PDIA5: variants seen among roughly 807,000 people sequenced by gnomAD.
The protein encoded by PDIA5 is protein disulfide-isomerase A5.
PDIA5 carries 58 observed loss-of-function variants against 77.6 expected under a neutral mutation model. The observed-to-expected ratio is 0.75, with a 90% confidence interval of 0.61 to 0.93. PDIA5 has a LOEUF of 0.93. Ranked by LOEUF, PDIA5 falls within the 40% of genes least tolerant of loss-of-function variation. The pLI, the probability that PDIA5 is intolerant of heterozygous loss-of-function variation, is 0.00. For synonymous variants in PDIA5, 250 were observed against 252.1 expected, an observed-to-expected ratio of 0.99 and a Z score of 0.08; for missense variants, 630 against 647.7, an observed-to-expected ratio of 0.97 and a Z score of 0.30.
At chr3:123,138,203 C>T (rs1447989400) in intron 11 of PDIA5, among the ~76,000 whole-genome samples, 1 of 152,214 alleles carries the variant, frequency 6.6e-6, no homozygotes, top group Non-Finnish European at 1.5e-5. Flanking sequence ...GCCTTGACCT[C>T]CCAAAGTTCT....
At chr3:123,077,201 C>A (rs891065990) in intron 1 of PDIA5, among the ~76,000 whole-genome samples, 1 of 152,126 alleles carries the variant, frequency 6.6e-6, no homozygotes, top group Non-Finnish European at 1.5e-5. Context: ...TGCTGTGTGA[C>A]CTTCAGCAAA....
intron 11 of PDIA5, among the ~76,000 whole-genome samples, chr3:123,133,205 C>T (rs1935412833): frequency 6.6e-6 from 1 of 152,142 alleles, no homozygotes; most frequent in Non-Finnish European, 1.5e-5. Flanking sequence ...GATCAAGAAA[C>T]CACTTTTGCA....
chr3:123,152,127 GCCTT>G (rs1560562959), intron 14 of PDIA5, among the ~76,000 whole-genome samples: 1 of 107,086 alleles, frequency 9.3e-6, no homozygotes, highest in Non-Finnish European at 1.9e-5. Flanking sequence ...CTTCCTTCCT[GCCTT>G]CCTTCCTGCC....
intron 1 of PDIA5, among the ~76,000 whole-genome samples, chr3:123,073,636 G>A (rs1295564757): frequency 2.0e-5 from 3 of 152,172 alleles, no homozygotes; most frequent in African/African-American, 7.2e-5. Flanking sequence ...CATGGAGTGT[G>A]GGGTTAAAAG....
Position 123,161,473 on chromosome 3 carries a change from G to A in PDIA5, c.1479+18G>A, listed in dbSNP as rs200738591. 36 of 1,611,016 alleles carry A rather than the reference G, an allele frequency of 2.2e-5. 1 individual carries two copies. Among genetic ancestry groups the A allele is most frequent in the East Asian group, 1.6e-4 (7 of 44,880 alleles). ...ACCGCACAGTAAGTGGGGGAGAGGCGTCTGCCCAGAGCTCTCTCTCTGCTG... is the reference window on the plus strand; with the variant it reads ...ACCGCACAGTAAGTGGGGGAGAGGCATCTGCCCAGAGCTCTCTCTCTGCTG... On this transcript the variant is annotated intron_variant, in intron 16 of 16. Coordinates refer to ENST00000316218, the MANE Select transcript of PDIA5 (RefSeq NM_006810.4).
intron 7 of PDIA5, among the ~76,000 whole-genome samples, chr3:123,115,579 AGAG>A (rs1202735060): frequency 6.6e-6 from 1 of 152,184 alleles, no homozygotes; most frequent in Non-Finnish European, 1.5e-5. Context: ...CAGCCCAGAG[AGAG>A]GAGGTGACTT....
chr3:123,130,390 T>C, intron 10 of PDIA5, 90 bp from the exon 11 acceptor site: 1 of 1,418,524 alleles, frequency 7.0e-7, no homozygotes, highest in Non-Finnish European at 9.5e-7. Context: ...CCCGAGCCCA[T>C]GGGGAGCTTT....
At chr3:123,124,442 G>C (rs892436524) in intron 10 of PDIA5, 99 bp downstream of exon 10, 50 of 852,740 alleles carry the variant, frequency 5.9e-5, no homozygotes, top group Non-Finnish European at 9.2e-5. Flanking sequence ...TTGGGGGAAA[G>C]AATGAGGAAG....
intron 8 of PDIA5, among the ~76,000 whole-genome samples, chr3:123,119,424 G>T (rs1379795042): frequency 2.0e-5 from 3 of 152,214 alleles, no homozygotes; most frequent in African/African-American, 4.8e-5. Context: ...CATCTGGGTT[G>T]TGTAAACTCA....
At chr3:123,152,047 G>T (rs796534166) in intron 14 of PDIA5, among the ~76,000 whole-genome samples, 105 of 80,378 alleles carry the variant, frequency 1.3e-3, no homozygotes, top group Middle Eastern at 7.7e-3. Flanking sequence ...CTTCCTTCCT[G>T]CCTGCCTTCC....
At position 123,110,875 on chromosome 3, in the gene PDIA5, G is replaced by A. The variant is rs1351557352; in HGVS notation, c.481-69G>A. The A allele has an allele frequency of 2.4e-6, 3 of 1,245,758 alleles. No homozygotes were observed. In the East Asian group the frequency reaches 6.9e-5, roughly 29 times the overall value. The allele number at this position is 1,245,758 out of a possible 1,614,324, so 77.2% of individuals were successfully genotyped here. On this transcript the variant is annotated intron_variant, in intron 6 of 16. Coordinates refer to ENST00000316218, the MANE Select transcript of PDIA5 (RefSeq NM_006810.4). ...CTTCACCCTGCTGTATGCAGGAGGGGCGGGGAGGGGGTCTCATCCTGTTAC... is the reference window on the plus strand; with the variant it reads ...CTTCACCCTGCTGTATGCAGGAGGGACGGGGAGGGGGTCTCATCCTGTTAC...
chr3:123,099,489 G>T (rs1934528922), intron 3 of PDIA5, among the ~76,000 whole-genome samples: 1 of 152,208 alleles, frequency 6.6e-6, no homozygotes, highest in Non-Finnish European at 1.5e-5. Flanking sequence ...GAGTGCAGGG[G>T]ATGGGGAGAG....
chr3:123,140,618 G>T (rs1364930354), intron 11 of PDIA5, among the ~76,000 whole-genome samples: 2 of 140,678 alleles, frequency 1.4e-5, no homozygotes, highest in Non-Finnish European at 3.1e-5. Flanking sequence ...GCAGGGGCTG[G>T]GAGGAAGAGG....
At chr3:123,090,273 A>C (rs1934250548) in intron 2 of PDIA5, among the ~76,000 whole-genome samples, 1 of 152,120 alleles carries the variant, frequency 6.6e-6, no homozygotes, top group African/African-American at 2.4e-5. Flanking sequence ...TGCTGTCAGG[A>C]ATAGGGGCGA....
intron 1 of PDIA5, chr3:123,067,584 G>A (rs1331693869): frequency 4.1e-6 from 1 of 244,362 alleles, no homozygotes; most frequent in Non-Finnish European, 7.8e-6. Context: ...GTGTGAGTGC[G>A]GGGTGGGATG....
Position 123,102,749 on chromosome 3 carries a change from A to T in PDIA5, c.342-2A>T. On this transcript the variant is annotated splice_acceptor_variant, in intron 4 of 16. Coordinates refer to ENST00000316218, the MANE Select transcript of PDIA5 (RefSeq NM_006810.4). LOFTEE classifies it high-confidence loss of function. Reference sequence around the variant, plus strand: ...TAACACATTTTTCTCCTCATTTGACAGGGATGGTGCATTTCATACTGAATA... The same window carrying T: ...TAACACATTTTTCTCCTCATTTGACTGGGATGGTGCATTTCATACTGAATA... 6.2e-7 allele frequency: 1 copy of T among 1,607,628 alleles called. No individual in the cohort carries two copies. The highest frequency in any genetic ancestry group is 8.5e-7 in the Non-Finnish European group (1 of 1,173,954).
At chr3:123,147,694 T>C (rs1468054660) in intron 13 of PDIA5, among the ~76,000 whole-genome samples, 1 of 152,220 alleles carries the variant, frequency 6.6e-6, no homozygotes, top group Non-Finnish European at 1.5e-5. Context: ...GCTAGGCCTT[T>C]GTCTTAGGGA....
chr3:123,067,077 T>C lies in PDIA5; in HGVS notation c.-88T>C. On this transcript the variant is annotated 5_prime_UTR_variant, in exon 1 of 17. Coordinates refer to ENST00000316218, the MANE Select transcript of PDIA5 (RefSeq NM_006810.4). ...GGGAGCGGCTGGGAAGTGGCCGTGG[T>C]GGTTGGCCGCGGTGGAGCTAGCAGG... 2 of 1,092,876 alleles carry C rather than the reference T, an allele frequency of 1.8e-6. No individual in the cohort carries two copies. The allele number at this position is 1,092,876 out of a possible 1,614,324, so 67.7% of individuals were successfully genotyped here. A position where few individuals can be genotyped will look rare whatever the true frequency, so the allele number is the denominator to read the frequency against.
chr3:123,096,783 G>A (rs1292799288), intron 3 of PDIA5, among the ~76,000 whole-genome samples: 3 of 152,208 alleles, frequency 2.0e-5, no homozygotes, highest in East Asian at 3.9e-4. Context: ...GCTGGTGATG[G>A]TTGTCCGGCT....
Sources: allele counts gnomAD v4.1 joint callset (sites outside exome capture counted in the v4.1 genomes callset), GRCh38; gene constraint gnomAD v4.1.1; transcripts MANE v1.5; gene names NCBI Gene and HGNC (gene_info 2026-07-23, HGNC 2026-07-21).